POFUT2: variants seen among roughly 807,000 people sequenced by gnomAD.
POFUT2 encodes the protein GDP-fucose protein O-fucosyltransferase 2.
In POFUT2, 30 loss-of-function variants were observed where a neutral mutation model predicts 55.0. The ratio of observed to expected loss-of-function variants is 0.55; its 90% CI spans 0.41 to 0.74. The LOEUF is 0.74. Ranked by LOEUF, POFUT2 falls within the 30% of genes least tolerant of loss-of-function variation. The pLI, the probability that POFUT2 is intolerant of heterozygous loss-of-function variation, is 0.00. For missense variants in POFUT2, 524 were observed against 562.6 expected (o/e 0.93, Z 0.69); for synonymous variants, 267 against 231.1 (o/e 1.16, Z -1.41).
In POFUT2 at chr21:45,285,970, G is replaced by A. The variant is rs763247034; in HGVS notation, c.132-42C>T. On this transcript the variant is annotated intron_variant, in intron 1 of 8. Transcript: ENST00000349485. This position sits in a 1 kb window ranked among gnomAD's most constrained non-coding sequence, Gnocchi z 4.9. ...AGGACCACAGGTCTCAAATGCTGAG[G>A]TTTCTGCACGGAAAACCCGACTGCT... is the stretch of plus-strand genomic sequence containing the variant. 6.4e-7 allele frequency: 1 copy of A among 1,554,084 alleles called. No individual in the cohort carries two copies. Among genetic ancestry groups the A allele is most frequent in the Non-Finnish European group, 8.7e-7 (1 of 1,151,112 alleles).
chr21:45,287,320 T>A (rs2031558255), intron 1 of POFUT2, among the ~76,000 whole-genome samples: 1 of 49,172 alleles, frequency 2.0e-5, no homozygotes. Flanking sequence ...CCACCCCTCC[T>A]GGCCCTAGCC....
rs904883034 is a variant in POFUT2 at position 45,277,911 on chromosome 21, C to T, written c.705+192G>A. ...AGAGCTGGGTGGCCCTGCGGGCTCC[C>T]GAGGACCTGGCTCTGCAGCCACGTG... On this transcript the variant is annotated intron_variant, in intron 5 of 8. Transcript: ENST00000349485. This position sits in a 1 kb window ranked among gnomAD's most constrained non-coding sequence, Gnocchi z 6.9. 3.3e-5 allele frequency: 21 copies of T among 638,666 alleles called. No homozygotes were observed. The highest frequency in any genetic ancestry group is 1.1e-4 in the Admixed American group (4 of 37,490). 39.6% of individuals were successfully genotyped at this position (638,666 alleles called of 1,614,324 possible).
rs1451764141 is a variant in POFUT2, at chr21:45,282,376, G to A, written c.611C>T (p.Pro204Leu). ...SVQGSASIVA[P>L]LLLRNTSARS... ...GGCTGATGTGTTTCTCAGCAGCAGG[G>A]GCGCCACGATGGAGGCTGAGCCCTG... is the stretch of plus-strand genomic sequence containing the variant. The change falls in exon 4 of 9, where the codon CCC becomes CTC. Residue 204 changes from proline (P) to leucine (L), a missense_variant. This residue lies in a region of POFUT2 where 250 missense variants were observed against 318.2 expected (regional missense o/e 0.79). Coordinates refer to ENST00000349485, the MANE Select transcript of POFUT2 (RefSeq NM_133635.6). The surrounding 1 kb of genome is among the most constrained non-coding windows in gnomAD (Gnocchi z 4.6). The A allele has an allele frequency of 7.4e-6, 12 of 1,613,140 alleles. No homozygotes were observed. Among genetic ancestry groups the A allele is most frequent in the South Asian group, 5.5e-5 (5 of 91,080 alleles).
intron 8 of POFUT2, chr21:45,266,173 C>A: frequency 7.3e-7 from 1 of 1,367,302 alleles, no homozygotes. Flanking sequence ...GCGGCCTGCC[C>A]GTTCCTCCGG....
Position 45,282,218 on chromosome 21 carries a change from C to T in POFUT2, c.638+131G>A, listed in dbSNP as rs936285524. On this transcript the variant is annotated intron_variant, in intron 4 of 8. Transcript: ENST00000349485. The surrounding 1 kb of genome is among the most constrained non-coding windows in gnomAD (Gnocchi z 4.6). ...TTCCCTAACCACCACCCCCCAGGGCCCCCAGGGTCCGCTGTCTGTGAGGTG... is the reference window on the plus strand; with the variant it reads ...TTCCCTAACCACCACCCCCCAGGGCTCCCAGGGTCCGCTGTCTGTGAGGTG... 2 of 657,322 alleles carry T rather than the reference C, an allele frequency of 3.0e-6. No homozygotes were observed. Among genetic ancestry groups the T allele is most frequent in the Admixed American group, 2.7e-5 (1 of 36,800 alleles). The allele number at this position is 657,322 out of a possible 1,614,324, so 40.7% of individuals were successfully genotyped here. A position where few individuals can be genotyped will look rare whatever the true frequency, so the allele number is the denominator to read the frequency against.
chr21:45,283,508 A>G lies in POFUT2; in HGVS notation c.402T>C (p.Ile134=). 6.2e-7 allele frequency: 1 copy of G among 1,613,824 alleles called. No homozygotes were observed. Among genetic ancestry groups the G allele is most frequent in the Non-Finnish European group, 8.5e-7 (1 of 1,179,870 alleles). Residue 134 remains isoleucine (I), a synonymous_variant, in exon 3 of 9, where the codon ATT becomes ATC. Transcript: ENST00000349485. ...AACTTTGCAGGACGTAAACCTGGTC[A>G]ATAAAGGGCCCACCAGATTCTGAAA... ...QFIAESGGPF[I]DQVYVLQSYA...
chr21:45,285,756 T>C lies in POFUT2; in HGVS notation c.304A>G (p.Ile102Val). The C allele has an allele frequency of 2.5e-6, 4 of 1,613,520 alleles. No individual in the cohort carries two copies. The highest frequency in any genetic ancestry group is 3.4e-6 in the Non-Finnish European group (4 of 1,179,762). ...WQSPDIHQVR[I>V]PWSEFFDLPS... ...AGATCAAAAAACTCAGACCAGGGAA[T>C]CCGGACCTGGTGGATGTCAGGACTC... Residue 102 changes from isoleucine (I) to valine (V), a missense_variant, in exon 2 of 9, where the codon ATT (isoleucine) becomes GTT (valine). Coordinates refer to ENST00000349485, the MANE Select transcript of POFUT2 (RefSeq NM_133635.6). The surrounding 1 kb of genome is among the most constrained non-coding windows in gnomAD (Gnocchi z 4.9).
rs1569215683 is a variant in POFUT2, at chr21:45,267,487, G to A, written c.1136+103C>T. 2 of 1,614,172 alleles carry A rather than the reference G, an allele frequency of 1.2e-6. No individual in the cohort carries two copies. Among genetic ancestry groups the A allele is most frequent in the Non-Finnish European group, 8.5e-7 (1 of 1,180,036 alleles). ...GGCAAACAGTATGGAAATGACCACT[G>A]TGAACACAGGCGACCATCTGCTCTG... On this transcript the variant is annotated intron_variant, in intron 8 of 8. Transcript: ENST00000349485. The surrounding 1 kb of genome is among the most constrained non-coding windows in gnomAD (Gnocchi z 4.4).
intron 7 of POFUT2, among the ~76,000 whole-genome samples, chr21:45,269,148 C>T (rs1402322154): frequency 1.6e-4 from 24 of 149,068 alleles, no homozygotes; most frequent in African/African-American, 5.4e-4. Context: ...CCAGCCGCCC[C>T]GTCTGGGAGG....
rs1023473902 is a variant in POFUT2 at position 45,283,981 on chromosome 21, C to T, written c.383-454G>A. Among the ~76,000 whole-genome samples the T allele has an allele frequency of 2.0e-5, 3 of 152,206 alleles. No homozygotes were observed. The East Asian group carries it at 5.8e-4, about 29-fold the overall frequency. On this transcript the variant is annotated intron_variant, in intron 2 of 8. Transcript: ENST00000349485. ...CATCTACTGCACTGGTGTCCTGCCT[C>T]CCCCGGGGACAGAGGCTCAGGTGAG...
intron 6 of POFUT2, 51 bp downstream of exon 6, chr21:45,276,966 C>T: frequency 1.3e-6 from 2 of 1,598,130 alleles, no homozygotes; most frequent in Non-Finnish European, 1.7e-6. Context: ...TGTGGGGCAT[C>T]TCCAGAGAGA....
chr21:45,272,051 A>T (rs148545805), intron 6 of POFUT2, among the ~76,000 whole-genome samples: 1 of 152,316 alleles, frequency 6.6e-6, no homozygotes, highest in African/African-American at 2.4e-5. Context: ...AGTACCTCAC[A>T]CCTCAATACC....
At position 45,277,265 on chromosome 21, in the gene POFUT2, C is replaced by T; in HGVS notation, c.706-123G>A. 1.5e-6 allele frequency: 2 copies of T among 1,291,782 alleles called. No homozygotes were observed. Among genetic ancestry groups the T allele is most frequent in the Non-Finnish European group, 2.1e-6 (2 of 950,290 alleles). 80.0% of individuals were successfully genotyped at this position (1,291,782 alleles called of 1,614,324 possible). On this transcript the variant is annotated intron_variant, in intron 5 of 8. Transcript: ENST00000349485. This position sits in a 1 kb window ranked among gnomAD's most constrained non-coding sequence, Gnocchi z 6.9. ...GCTGGAACAAGCCCCTCAGACACGT[C>T]ATCCACGGTCGCCTGAGAAGCAGCG...
chr21:45,286,008 C>A lies in POFUT2; in HGVS notation c.132-80G>T, dbSNP rs186935896. 7.6e-5 allele frequency: 100 copies of A among 1,316,450 alleles called. No homozygotes were observed. In the African/African-American group the frequency reaches 1.2e-3, roughly 16 times the overall value. The allele number at this position is 1,316,450 out of a possible 1,614,324, so 81.5% of individuals were successfully genotyped here. ...AAACCCGACTGCTCACAAGTCTCAGCGCGTGGCCCGACTCTAGGCACTTAA... is the reference window on the plus strand; with the variant it reads ...AAACCCGACTGCTCACAAGTCTCAGAGCGTGGCCCGACTCTAGGCACTTAA... On this transcript the variant is annotated intron_variant, in intron 1 of 8. Coordinates refer to ENST00000349485, the MANE Select transcript of POFUT2 (RefSeq NM_133635.6).
rs2029918184 is a variant in POFUT2 at position 45,277,372 on chromosome 21, G to C, written c.706-230C>G. ...CCGCCCACCCCTGCCGGCTCTGCCA[G>C]CCCCTGCCGTGGGAAGCTGCGGCAC... On this transcript the variant is annotated intron_variant, in intron 5 of 8. Coordinates refer to ENST00000349485, the MANE Select transcript of POFUT2 (RefSeq NM_133635.6). This position sits in a 1 kb window ranked among gnomAD's most constrained non-coding sequence, Gnocchi z 6.9. The C allele has an allele frequency of 3.7e-6, 2 of 543,908 alleles. No individual in the cohort carries two copies. Among genetic ancestry groups the C allele is most frequent in the Non-Finnish European group, 6.5e-6 (2 of 309,200 alleles). The allele number at this position is 543,908 out of a possible 1,614,324, so 33.7% of individuals were successfully genotyped here.
chr21:45,273,342 T>C (rs78735940), intron 6 of POFUT2, among the ~76,000 whole-genome samples: 1,980 of 152,142 alleles, frequency 0.013, 49 homozygotes, highest in African/African-American at 0.046. Flanking sequence ...GGAAGAAATA[T>C]AAACTCTGAA....
In POFUT2 at chr21:45,276,753, C is replaced by T. The variant is rs561260438; in HGVS notation, c.831+264G>A. Reference sequence around the variant, plus strand: ...CGCGCTCTGAGAACACCTTTGAGTCCGCTGGGCCTGCCATGACTGCCCGTG... The same window carrying T: ...CGCGCTCTGAGAACACCTTTGAGTCTGCTGGGCCTGCCATGACTGCCCGTG... On this transcript the variant is annotated intron_variant, in intron 6 of 8. Transcript: ENST00000349485. 8.7e-4 allele frequency among the ~76,000 whole-genome samples: 132 copies of T among 152,268 alleles called. 1 individual carries two copies. The Middle Eastern group carries it at 0.02, about 24-fold the overall frequency.
At position 45,286,003 on chromosome 21, in the gene POFUT2, C is replaced by G. The variant is rs1480118857; in HGVS notation, c.132-75G>C. ...ACGGAAAACCCGACTGCTCACAAGT[C>G]TCAGCGCGTGGCCCGACTCTAGGCA... is the stretch of plus-strand genomic sequence containing the variant. On this transcript the variant is annotated intron_variant, in intron 1 of 8. Transcript: ENST00000349485. 4 of 1,391,774 alleles carry G rather than the reference C, an allele frequency of 2.9e-6. No individual in the cohort carries two copies. The Admixed American group carries it at 8.0e-5, about 28-fold the overall frequency. 86.2% of individuals were successfully genotyped at this position (1,391,774 alleles called of 1,614,324 possible).
chr21:45,278,381 CCTA>C (rs1270498279), intron 4 of POFUT2, among the ~76,000 whole-genome samples: 3 of 152,170 alleles, frequency 2.0e-5, no homozygotes, highest in Non-Finnish European at 4.4e-5. Context: ...GGCTTTAATG[CCTA>C]CTGTCAACGA....
Sources: gnomAD v4.1 joint callset for allele counts (sites outside exome capture counted in the v4.1 genomes callset) on GRCh38, gnomAD v4.1.1 for gene constraint, gnomAD v4.1.1 regional missense constraint, Gnocchi (gnomAD v3.1) non-coding constraint, MANE v1.5 for transcripts, NCBI Gene and HGNC (gene_info 2026-07-23, HGNC 2026-07-21) for gene names.